The following MON2 variants were observed in gnomAD, a reference collection of about 807,000 sequenced individuals.
MON2 encodes the protein protein MON2 homolog.
MON2 carries 84 observed loss-of-function variants against 208.6 expected under a neutral mutation model. The ratio of observed to expected loss-of-function variants is 0.40; its 90% CI spans 0.34 to 0.48. The LOEUF (loss-of-function observed/expected upper bound fraction) is 0.48. Ranked by LOEUF, MON2 falls within the 20% of genes least tolerant of loss-of-function variation. MON2 has a pLI of 0.59. For missense variants in MON2, 1,611 were observed against 2,015.4 expected (o/e 0.80, Z 3.84); for synonymous variants, 660 against 694.0 (o/e 0.95, Z 0.77).
At chr12:62,532,351 C>G in intron 11 of MON2, 87 bp from the exon 12 acceptor site, 1 of 982,812 alleles carries the variant, frequency 1.0e-6, no homozygotes, top group Non-Finnish European at 1.5e-6. Flanking sequence ...ATCTTAATTT[C>G]TATAGTCTGT....
chr12:62,549,141 T>C (rs1163356453), intron 22 of MON2, among the ~76,000 whole-genome samples: 1 of 152,126 alleles, frequency 6.6e-6, no homozygotes, highest in Non-Finnish European at 1.5e-5. Flanking sequence ...TTTGTTTTTA[T>C]TTCTTATTGC....
chr12:62,501,831 A>T, intron 7 of MON2, 133 bp downstream of exon 7: 2 of 917,990 alleles, frequency 2.2e-6, no homozygotes, highest in Non-Finnish European at 3.3e-6. Flanking sequence ...CATGCCTGTA[A>T]TTGCAACACT....
intron 33 of MON2, 162 bp from the exon 34 acceptor site, chr12:62,587,909 AATG>A: frequency 1.9e-6 from 1 of 520,798 alleles, no homozygotes; most frequent in Admixed American, 3.8e-5. Context: ...ATATAAATAA[AATG>A]ATTTTTACTT....
chr12:62,525,916 T>C, intron 10 of MON2, 33 bp from the exon 11 acceptor site: 2 of 1,598,940 alleles, frequency 1.3e-6, no homozygotes, highest in East Asian at 4.5e-5. Flanking sequence ...AGTAAATTAG[T>C]GTCTTTTCTT....
rs1038685202 is a variant in MON2 at position 62,600,128 on chromosome 12, G to C, written c.*7379G>C. ...GTTTTGGTGTCCTCCTCTGTGAAATGGAGTTAATCGTGGTATTTAACAGAA... is the reference window on the plus strand; with the variant it reads ...GTTTTGGTGTCCTCCTCTGTGAAATCGAGTTAATCGTGGTATTTAACAGAA... On this transcript the variant is annotated 3_prime_UTR_variant, in exon 35 of 35. Coordinates refer to ENST00000393630, the MANE Select transcript of MON2 (RefSeq NM_015026.3). The C allele has an allele frequency of 1.3e-5, 2 of 152,202 alleles. No individual in the cohort carries two copies. Among genetic ancestry groups the C allele is most frequent in the African/African-American group, 4.8e-5 (2 of 41,454 alleles). The allele number at this position is 152,202 out of a possible 1,614,324, so 9.4% of individuals were successfully genotyped here.
chr12:62,588,895 C>T (rs2075305251), intron 34 of MON2: 3 of 1,472,550 alleles, frequency 2.0e-6, no homozygotes, highest in Non-Finnish European at 2.7e-6. Flanking sequence ...TACTTTTAAA[C>T]CTTGTTTTTA....
intron 8 of MON2, among the ~76,000 whole-genome samples, chr12:62,518,846 G>A (rs1346575368): frequency 6.6e-6 from 1 of 152,142 alleles, no homozygotes; most frequent in Non-Finnish European, 1.5e-5. Context: ...TAATTCCTCA[G>A]TATTGTAATT....
At chr12:62,481,314 C>G (rs1376968351) in intron 1 of MON2, among the ~76,000 whole-genome samples, 2 of 152,094 alleles carry the variant, frequency 1.3e-5, no homozygotes, top group African/African-American at 4.8e-5. Context: ...ATCACGAGGT[C>G]AGGTGATGGA....
At position 62,599,822 on chromosome 12, in the gene MON2, G is replaced by A. The variant is rs956289931; in HGVS notation, c.*7073G>A. On this transcript the variant is annotated 3_prime_UTR_variant, in exon 35 of 35. Transcript: ENST00000393630. ...TGAGGCAATTACTATTTCTATGATG[G>A]GCACTGGGACAAATATACTTGAACA... The A allele has an allele frequency of 6.6e-6, 1 of 152,042 alleles. No individual in the cohort carries two copies. Among genetic ancestry groups the A allele is most frequent in the Non-Finnish European group, 1.5e-5 (1 of 68,000 alleles). The allele number at this position is 152,042 out of a possible 1,614,324, so 9.4% of individuals were successfully genotyped here.
At chr12:62,488,510 G>A (rs2069926367) in intron 2 of MON2, among the ~76,000 whole-genome samples, 1 of 152,128 alleles carries the variant, frequency 6.6e-6, no homozygotes. Flanking sequence ...GATATCCTGA[G>A]CAGCATGATG....
At chr12:62,588,304 C>T (rs1216233312) in intron 34 of MON2, 148 bp downstream of exon 34, 2 of 565,324 alleles carry the variant, frequency 3.5e-6, no homozygotes, top group African/African-American at 4.0e-5. Flanking sequence ...AGCATCAAGT[C>T]CATTAGGATG....
intron 12 of MON2, among the ~76,000 whole-genome samples, chr12:62,533,219 CTGTATCATTACA>C (rs1260818342): frequency 1.3e-5 from 2 of 152,154 alleles, no homozygotes; most frequent in African/African-American, 4.8e-5. Context: ...GCTGTACTTA[CTGTATCATTACA>C]TTAGGAAGCA....
Position 62,592,689 on chromosome 12 carries a change from A to G in MON2, c.5094A>G (p.Leu1698=). The change falls in exon 35 of 35, where the codon CTA becomes CTG. Residue 1698 remains leucine (L), a synonymous_variant. Transcript: ENST00000393630. ...TCTGTTCTGCACTTAAAGAGGCACT[A>G]GTTCCTTTTAAGGATTTCATGCAGC... is the stretch of plus-strand genomic sequence containing the variant. ...SEVCSALKEA[L]VPFKDFMQPP... 6.2e-7 allele frequency: 1 copy of G among 1,610,054 alleles called. No individual in the cohort carries two copies. The highest frequency in any genetic ancestry group is 1.1e-5 in the South Asian group (1 of 90,626).
At position 62,568,049 on chromosome 12, in the gene MON2, C is replaced by T. The variant is rs577887739; in HGVS notation, c.4323+1599C>T. The stretch of plus-strand genomic sequence containing the variant: ...AGTGCTGAATAAAAATTGAGTTCCT[C>T]TGAAAGACAAAAAACTAAGTCAACT... On this transcript the variant is annotated intron_variant, in intron 29 of 34. Coordinates refer to ENST00000393630, the MANE Select transcript of MON2 (RefSeq NM_015026.3). Among the ~76,000 whole-genome samples the T allele has an allele frequency of 2.0e-5, 3 of 152,264 alleles. No individual in the cohort carries two copies. The South Asian group carries it at 6.2e-4, about 32-fold the overall frequency.
At position 62,480,908 on chromosome 12, in the gene MON2, G is replaced by C. The variant is rs765096879; in HGVS notation, c.112-3262G>C. Among the ~76,000 whole-genome samples, 18 of 152,326 alleles carry C rather than the reference G, an allele frequency of 1.2e-4. No individual in the cohort carries two copies. In the South Asian group the frequency reaches 1.2e-3, roughly 11 times the overall value. On this transcript the variant is annotated intron_variant, in intron 1 of 34. Coordinates refer to ENST00000393630, the MANE Select transcript of MON2 (RefSeq NM_015026.3). Reference sequence around the variant, plus strand: ...AGGGCCATAGTGAGAAAGGGGAGAAGTTAAACTCGAAAATGATGATGGAGG... The same window carrying C: ...AGGGCCATAGTGAGAAAGGGGAGAACTTAAACTCGAAAATGATGATGGAGG...
At chr12:62,515,051 G>A (rs1203009483) in intron 8 of MON2, among the ~76,000 whole-genome samples, 2 of 152,174 alleles carry the variant, frequency 1.3e-5, no homozygotes, top group Non-Finnish European at 2.9e-5. Context: ...ATATAAAATG[G>A]TGCAGCCTCA....
At chr12:62,546,052 G>A (rs1236599061) in intron 21 of MON2, among the ~76,000 whole-genome samples, 1 of 152,126 alleles carries the variant, frequency 6.6e-6, no homozygotes, top group Non-Finnish European at 1.5e-5. Context: ...GAAAGGGATA[G>A]ACAGAGTGCT....
At chr12:62,575,691 A>G (rs1195368359) in intron 30 of MON2, among the ~76,000 whole-genome samples, 2 of 152,354 alleles carry the variant, frequency 1.3e-5, no homozygotes, top group African/African-American at 4.8e-5. Context: ...AATAACACAG[A>G]AAATACAAAT....
At chr12:62,589,629 G>A (rs61566268) in intron 34 of MON2, among the ~76,000 whole-genome samples, 6,506 of 151,836 alleles carry the variant, frequency 0.043, 174 homozygotes, top group Middle Eastern at 0.062. Context: ...AAGTGTCCTG[G>A]GCTGGCACAG....
Sources: allele counts gnomAD v4.1 joint callset (sites outside exome capture counted in the v4.1 genomes callset), GRCh38; gene constraint gnomAD v4.1.1; transcripts MANE v1.5; gene names NCBI Gene and HGNC (gene_info 2026-07-23, HGNC 2026-07-21).